Variants in WDPCP observed in about 807,000 individuals in gnomAD.
WDPCP encodes WD repeat containing planar cell polarity effector.
In WDPCP, 71 loss-of-function variants were observed where a neutral mutation model predicts 93.1. The ratio of observed to expected loss-of-function variants is 0.76; its 90% CI spans 0.63 to 0.93. The LOEUF is 0.93. Ranked by LOEUF, WDPCP falls within the 40% of genes least tolerant of loss-of-function variation. WDPCP has a pLI of 0.00. For synonymous variants in WDPCP, 315 were observed against 315.0 expected, an observed-to-expected ratio of 1.00 and a Z score of 0.00; for missense variants, 844 against 887.4, an observed-to-expected ratio of 0.95 and a Z score of 0.62.
At chr2:63,765,756 G>C (rs1670128504) in intron 2 of WDPCP, among the ~76,000 whole-genome samples, 1 of 152,212 alleles carries the variant, frequency 6.6e-6, no homozygotes, top group South Asian at 2.1e-4. Flanking sequence ...CTACTGCCTG[G>C]TTAAAAATTT....
At chr2:63,809,763 C>G (rs905124417) in intron 2 of WDPCP, among the ~76,000 whole-genome samples, 1 of 152,074 alleles carries the variant, frequency 6.6e-6, no homozygotes. Context: ...GACCCAGGGA[C>G]ACAAACACTG....
At chr2:63,619,137 T>C (rs577610009) in intron 3 of WDPCP, among the ~76,000 whole-genome samples, 1 of 152,354 alleles carries the variant, frequency 6.6e-6, no homozygotes, top group East Asian at 1.9e-4. Context: ...TCTTTGTTTC[T>C]TGACCACCAC....
rs1157177690 is a variant in WDPCP at position 63,652,330 on chromosome 2, A to G, written n.309-1492T>C. ...TGGGTGAAGGTGGGTCACAACACTTATGCAATTCACAAACTTTTGTAAAAT... is the reference window on the plus strand; with the variant it reads ...TGGGTGAAGGTGGGTCACAACACTTGTGCAATTCACAAACTTTTGTAAAAT... On this transcript the variant is annotated intron_variant and non_coding_transcript_variant, in intron 2 of 4. Coordinates refer to the WDPCP transcript ENST00000467687. Among the ~76,000 whole-genome samples, 10 of 152,236 alleles carry G rather than the reference A, an allele frequency of 6.6e-5. No individual in the cohort carries two copies. The East Asian group carries it at 1.2e-3, about 18-fold the overall frequency.
intron 2 of WDPCP, among the ~76,000 whole-genome samples, chr2:63,797,636 T>G (rs912764218): frequency 1.7e-4 from 26 of 151,602 alleles, no homozygotes; most frequent in Non-Finnish European, 4.4e-5. Flanking sequence ...AAAATATATA[T>G]TCAGAGGAGA....
intron 14 of WDPCP, among the ~76,000 whole-genome samples, chr2:63,198,847 A>C (rs1450570332): frequency 6.6e-6 from 1 of 152,208 alleles, no homozygotes; most frequent in Non-Finnish European, 1.5e-5. Flanking sequence ...AGTGGGCAGA[A>C]GTTGGAACAG....
chr2:63,462,888 T>G (rs1699113358), intron 6 of WDPCP, among the ~76,000 whole-genome samples: 1 of 152,160 alleles, frequency 6.6e-6, no homozygotes, highest in East Asian at 1.9e-4. Context: ...CTGCGTTTCA[T>G]TTTAAAGATA....
At chr2:63,494,529 C>G (rs925673301) in intron 1 of WDPCP, among the ~76,000 whole-genome samples, 1 of 152,170 alleles carries the variant, frequency 6.6e-6, no homozygotes, top group South Asian at 2.1e-4. Flanking sequence ...TGGATCTACA[C>G]AGACTAGCTC....
At chr2:63,402,706 G>A (rs1452483335) in intron 10 of WDPCP, among the ~76,000 whole-genome samples, 4 of 152,220 alleles carry the variant, frequency 2.6e-5, no homozygotes, top group East Asian at 3.9e-4. Context: ...GCAGTGGCAC[G>A]ATCTTGGCTC....
intron 3 of WDPCP, chr2:63,594,860 G>T (rs1169078893): frequency 4.0e-5 from 13 of 326,940 alleles, no homozygotes; most frequent in Non-Finnish European, 7.4e-5. Context: ...TATCACTAAT[G>T]ACAGTAACTT....
intron 14 of WDPCP, among the ~76,000 whole-genome samples, chr2:63,191,968 C>T (rs1675083983): frequency 6.6e-6 from 1 of 152,128 alleles, no homozygotes; most frequent in Non-Finnish European, 1.5e-5. Context: ...AGATAGAGGC[C>T]ATATGACTTG....
intron 12 of WDPCP, among the ~76,000 whole-genome samples, chr2:63,334,077 G>A (rs554700887): frequency 6.6e-6 from 1 of 152,198 alleles, no homozygotes; most frequent in East Asian, 1.9e-4. Context: ...ATTCTGGGAG[G>A]GGTACCATCA....
At chr2:63,284,222 C>T (rs1359052643) in intron 13 of WDPCP, among the ~76,000 whole-genome samples, 2 of 152,072 alleles carry the variant, frequency 1.3e-5, no homozygotes, top group Admixed American at 6.5e-5. Context: ...CTTACACTAT[C>T]CATGAAGTGG....
intron 2 of WDPCP, among the ~76,000 whole-genome samples, chr2:63,810,207 C>T (rs746052284): frequency 2.6e-4 from 40 of 152,180 alleles, no homozygotes; most frequent in Non-Finnish European, 5.3e-4. Context: ...CTTCTATTTT[C>T]CTCTGGATGA....
At chr2:63,145,195 G>C (rs1236027784) in intron 17 of WDPCP, among the ~76,000 whole-genome samples, 1 of 152,148 alleles carries the variant, frequency 6.6e-6, no homozygotes, top group African/African-American at 2.4e-5. Context: ...AGGGTTCTTG[G>C]CTTTGGTGGT....
intron 2 of WDPCP, among the ~76,000 whole-genome samples, chr2:63,795,653 T>C (rs1043912354): frequency 1.3e-5 from 2 of 152,144 alleles, no homozygotes; most frequent in African/African-American, 4.8e-5. Flanking sequence ...GTACTGGCTA[T>C]TTCTTAGGGC....
chr2:63,255,031 T>A (rs537761218), intron 14 of WDPCP, among the ~76,000 whole-genome samples: 2 of 152,242 alleles, frequency 1.3e-5, no homozygotes, highest in Admixed American at 1.3e-4. Flanking sequence ...AGGAGAAAGA[T>A]CATGATAATC....
At chr2:63,394,782 C>T (rs924722405) in intron 10 of WDPCP, among the ~76,000 whole-genome samples, 1 of 151,984 alleles carries the variant, frequency 6.6e-6, no homozygotes, top group Non-Finnish European at 1.5e-5. Context: ...TGAAATAACA[C>T]AGGAATAGAA....
chr2:63,211,001 C>A (rs1676740856), intron 14 of WDPCP, among the ~76,000 whole-genome samples: 2 of 152,208 alleles, frequency 1.3e-5, no homozygotes, highest in African/African-American at 4.8e-5. Context: ...AGGAGGCCTG[C>A]CTGCCTCTGT....
chr2:63,172,127 T>G (rs1673438402), intron 15 of WDPCP, among the ~76,000 whole-genome samples: 1 of 152,186 alleles, frequency 6.6e-6, no homozygotes, highest in Non-Finnish European at 1.5e-5. Flanking sequence ...TCATACAGCT[T>G]TATAAATTTA....
Sources: gnomAD v4.1 joint callset for allele counts (sites outside exome capture counted in the v4.1 genomes callset) on GRCh38, gnomAD v4.1.1 for gene constraint, MANE v1.5 for transcripts, NCBI Gene and HGNC (gene_info 2026-07-23, HGNC 2026-07-21) for gene names.